RBM20: variants seen among roughly 807,000 people sequenced by gnomAD.
RBM20 encodes RNA-binding protein 20.
A neutral mutation model predicts 110.1 loss-of-function variants in RBM20; 51 were observed. The observed-to-expected ratio is 0.46, with a 90% CI of 0.37 to 0.59. The LOEUF (loss-of-function observed/expected upper bound fraction) is 0.59, where lower values mean the gene tolerates loss of function less well. Among genes scored for constraint, RBM20 ranks in the 20% least tolerant of loss-of-function variants. The pLI is 0.00. For missense variants in RBM20, 1,512 were observed against 1,574.9 expected, an observed-to-expected ratio of 0.96 and a Z score of 0.68; for synonymous variants, 589 against 618.2, an observed-to-expected ratio of 0.95 and a Z score of 0.70.
At chr10:110,819,220 G>A (rs1844878409) in intron 9 of RBM20, among the ~76,000 whole-genome samples, 1 of 152,256 alleles carries the variant, frequency 6.6e-6, no homozygotes, top group Non-Finnish European at 1.5e-5. Flanking sequence ...AACTTCTAAT[G>A]TGGGGGTTGG....
chr10:110,659,984 T>C (rs1862079483), intron 1 of RBM20, among the ~76,000 whole-genome samples: 1 of 152,054 alleles, frequency 6.6e-6, no homozygotes, highest in African/African-American at 2.4e-5. Flanking sequence ...TGGCTAATTT[T>C]TTTTGTATTT....
intron 1 of RBM20, among the ~76,000 whole-genome samples, chr10:110,698,106 T>C (rs1207153439): frequency 3.9e-5 from 6 of 152,002 alleles, no homozygotes; most frequent in Non-Finnish European, 8.8e-5. Context: ...GACGGGGTTT[T>C]ACTGTGTTAG....
chr10:110,796,747 T>G (rs1844555271), intron 5 of RBM20, among the ~76,000 whole-genome samples: 1 of 152,190 alleles, frequency 6.6e-6, no homozygotes, highest in Non-Finnish European at 1.5e-5. Context: ...AGGAAGACTC[T>G]GACTTCTTAA....
intron 1 of RBM20, among the ~76,000 whole-genome samples, chr10:110,764,848 T>C (rs147753570): frequency 6.6e-6 from 1 of 152,352 alleles, no homozygotes; most frequent in African/African-American, 2.4e-5. Context: ...GACATCATCC[T>C]ACCTTTCCCC....
At chr10:110,684,422 A>G (rs958413006) in intron 1 of RBM20, among the ~76,000 whole-genome samples, 1 of 146,244 alleles carries the variant, frequency 6.8e-6, no homozygotes, top group African/African-American at 2.5e-5. Flanking sequence ...AACAAAACAA[A>G]ACAAAAGAAA....
intron 1 of RBM20, among the ~76,000 whole-genome samples, chr10:110,765,236 G>T (rs147995038): frequency 2.0e-5 from 3 of 152,062 alleles, no homozygotes; most frequent in African/African-American, 7.2e-5. Context: ...TAAATGATGG[G>T]CATCTCTTAA....
At chr10:110,748,640 G>T (rs1179775192) in intron 1 of RBM20, among the ~76,000 whole-genome samples, 7 of 152,210 alleles carry the variant, frequency 4.6e-5, no homozygotes, top group Non-Finnish European at 1.0e-4. Flanking sequence ...CTTACGAGTT[G>T]TTGTGTCCCT....
intron 1 of RBM20, among the ~76,000 whole-genome samples, chr10:110,653,294 G>T (rs1157874219): frequency 6.6e-6 from 1 of 152,170 alleles, no homozygotes; most frequent in East Asian, 1.9e-4. Context: ...TTCAACCAAG[G>T]ATATAATTTG....
intron 1 of RBM20, among the ~76,000 whole-genome samples, chr10:110,657,098 C>T (rs900668056): frequency 6.6e-6 from 1 of 151,720 alleles, no homozygotes; most frequent in Admixed American, 6.6e-5. Context: ...TTCACTGCAA[C>T]CTCTTCCTCC....
At chr10:110,752,860 AT>A (rs1843870801) in intron 1 of RBM20, among the ~76,000 whole-genome samples, 3 of 147,516 alleles carry the variant, frequency 2.0e-5, no homozygotes, top group African/African-American at 7.5e-5. Flanking sequence ...TGTTTCTATT[AT>A]TTTGAGAGTT....
At position 110,781,126 on chromosome 10, in the gene RBM20, C is replaced by A. The variant is rs7908490; in HGVS notation, c.517C>A (p.Pro173Thr). ...TCCCTCTAATGCAATTGCCTTTTCACCCCCCAGCCAGACACGAGGCCCCGG... is the reference window on the plus strand; with the variant it reads ...TCCCTCTAATGCAATTGCCTTTTCAACCCCCAGCCAGACACGAGGCCCCGG... Reference protein sequence around the residue: ...RFPSNAIAFSPPSQTRGPGPS... With the variant: ...RFPSNAIAFSTPSQTRGPGPS... The change falls in exon 2 of 14, where the codon CCC becomes ACC. Residue 173 changes from proline to threonine, a missense_variant. By Grantham distance (38) the Pro-to-Thr change is conservative. Coordinates refer to ENST00000369519, the MANE Select transcript of RBM20 (RefSeq NM_001134363.3). The A allele has an allele frequency of 4.2e-3, 6,582 of 1,551,686 alleles. 236 individuals carry two copies. In the African/African-American group the frequency reaches 0.077, roughly 18 times the overall value.
intron 1 of RBM20, among the ~76,000 whole-genome samples, chr10:110,729,589 G>A (rs148220245): frequency 6.6e-6 from 1 of 152,200 alleles, no homozygotes; most frequent in African/African-American, 2.4e-5. Flanking sequence ...GGCAGCTGCT[G>A]CCACTTGCAG....
At chr10:110,798,190 G>A (rs17763484) in intron 6 of RBM20, among the ~76,000 whole-genome samples, 13,187 of 152,260 alleles carry the variant, frequency 0.087, 780 homozygotes, top group Non-Finnish European at 0.12. Context: ...TGTAGGAGTT[G>A]ACTGAGCCCT....
rs982100249 is a variant in RBM20 at position 110,699,928 on chromosome 10, C to T, written c.191+55283C>T. On this transcript the variant is annotated intron_variant, in intron 1 of 13. Transcript: ENST00000369519. ...ATTGAGGTGGCTACTAAATGACTTG[C>T]GGGTGGGAAGTATAGACAGCATGTA... Among the ~76,000 whole-genome samples the T allele has an allele frequency of 5.9e-5, 9 of 152,150 alleles. No individual in the cohort carries two copies. The Middle Eastern group carries it at 0.01, about 173-fold the overall frequency.
chr10:110,686,226 C>A (rs554125392), intron 1 of RBM20, among the ~76,000 whole-genome samples: 8 of 152,096 alleles, frequency 5.3e-5, no homozygotes, highest in Non-Finnish European at 1.0e-4. Context: ...GAAACTTGGG[C>A]TCTCACTCCC....
chr10:110,794,713 A>G (rs1047935404), intron 5 of RBM20, among the ~76,000 whole-genome samples: 7 of 152,266 alleles, frequency 4.6e-5, no homozygotes, highest in African/African-American at 7.2e-5. Flanking sequence ...GTTTCTGATT[A>G]AAATCTTGGA....
Position 110,725,409 on chromosome 10 carries a change from A to T in RBM20, c.192-55392A>T, listed in dbSNP as rs116676384. Among the ~76,000 whole-genome samples, 1,330 of 152,336 alleles carry T rather than the reference A, an allele frequency of 8.7e-3. 24 individuals are homozygous for T. Among genetic ancestry groups the T allele is most frequent in the African/African-American group, 0.03 (1,252 of 41,570 alleles). ...GTGCTTGTTCCCTGAAGGATGTTTT[A>T]AAAGTCCCAGATAAATTCACATTAC... On this transcript the variant is annotated intron_variant, in intron 1 of 13. Coordinates refer to ENST00000369519, the MANE Select transcript of RBM20 (RefSeq NM_001134363.3).
rs185048387 is a variant in RBM20 at position 110,815,839 on chromosome 10, G to A, written c.2550+2892G>A. On this transcript the variant is annotated intron_variant, in intron 9 of 13. Coordinates refer to ENST00000369519, the MANE Select transcript of RBM20 (RefSeq NM_001134363.3). ...TCCCCACAGTTCTGTCCCTCAAGTT[G>A]GTTCTGCCTCTTACAACCCTGGAGT... Among the ~76,000 whole-genome samples the A allele has an allele frequency of 4.6e-5, 7 of 152,240 alleles. No individual in the cohort carries two copies. In the East Asian group the frequency reaches 1.4e-3, roughly 29 times the overall value.
At chr10:110,755,456 G>T (rs1564836013) in intron 1 of RBM20, among the ~76,000 whole-genome samples, 1 of 152,190 alleles carries the variant, frequency 6.6e-6, no homozygotes, top group East Asian at 1.9e-4. Flanking sequence ...GTTTTTAGCT[G>T]AGGGCTCATC....
Sources: allele counts gnomAD v4.1 joint callset (sites outside exome capture counted in the v4.1 genomes callset), GRCh38; gene constraint gnomAD v4.1.1; transcripts MANE v1.5; gene names NCBI Gene and HGNC (gene_info 2026-07-23, HGNC 2026-07-21).